Variants in PLEKHH2 observed in about 807,000 individuals in gnomAD.
PLEKHH2 encodes pleckstrin homology, MyTH4 and FERM domain containing H2, also known as pleckstrin homology domain-containing family H member 2.
Under a neutral mutation model 187.9 loss-of-function variants are expected in PLEKHH2, and 129 were observed. The observed-to-expected ratio is 0.69, with a 90% CI of 0.59 to 0.79. The LOEUF is 0.79. Ranked by LOEUF, PLEKHH2 falls within the 30% of genes least tolerant of loss-of-function variation. The probability of loss-of-function intolerance (pLI) is 0.00; values close to 1 mark genes in which losing one functional copy is unlikely to be tolerated. For missense variants in PLEKHH2, 2,076 were observed against 1,751.2 expected (o/e 1.19, Z -3.31); for synonymous variants, 686 against 605.6 (o/e 1.13, Z -1.95).
At chr2:43,758,094 A>G (rs1382509977) in intron 26 of PLEKHH2, among the ~76,000 whole-genome samples, 3 of 152,212 alleles carry the variant, frequency 2.0e-5, no homozygotes, top group Non-Finnish European at 4.4e-5. Context: ...GCTTTTCCAA[A>G]ATAGAAACAT....
intron 2 of PLEKHH2, among the ~76,000 whole-genome samples, chr2:43,659,350 C>T (rs1393075445): frequency 6.6e-6 from 1 of 151,724 alleles, no homozygotes; most frequent in African/African-American, 2.4e-5. Flanking sequence ...TAACACCTCC[C>T]TGCTGTTTTT....
rs145622241 is a variant in PLEKHH2, at chr2:43,742,783, A to G, written c.3264A>G (p.Val1088=). The G allele has an allele frequency of 1.2e-6, 2 of 1,604,208 alleles. No individual in the cohort carries two copies. The highest frequency in any genetic ancestry group is 1.3e-5 in the African/African-American group (1 of 74,552). Residue 1088 remains valine (V), a synonymous_variant, in exon 22 of 30, where the codon GTA becomes GTG. Coordinates refer to ENST00000282406, the MANE Select transcript of PLEKHH2 (RefSeq NM_172069.4). ...GKYAIYCQRC[V]ERTQQNGDRE... ...ATGCCATTTACTGCCAGCGTTGTGTAGAAAGAACGCAACAAAATGGTGACA... is the reference window on the plus strand; with the variant it reads ...ATGCCATTTACTGCCAGCGTTGTGTGGAAAGAACGCAACAAAATGGTGACA...
intron 23 of PLEKHH2, 123 bp downstream of exon 23, chr2:43,744,112 T>C: frequency 7.0e-7 from 1 of 1,425,424 alleles, no homozygotes; most frequent in Non-Finnish European, 9.2e-7. Context: ...ACCAATCTAA[T>C]CTCCACGATA....
chr2:43,761,410 C>CTTTTT (rs568339874), intron 27 of PLEKHH2, among the ~76,000 whole-genome samples: 11 of 117,656 alleles, frequency 9.3e-5, no homozygotes, highest in Non-Finnish European at 1.3e-4. Flanking sequence ...TAGCTTTTAG[C>CTTTTT]TTTTTTTTTT....
intron 15 of PLEKHH2, among the ~76,000 whole-genome samples, chr2:43,713,260 T>C (rs889392162): frequency 6.6e-6 from 1 of 152,220 alleles, no homozygotes; most frequent in Non-Finnish European, 1.5e-5. Context: ...GTATGATTAA[T>C]ATATCTGAAA....
intron 3 of PLEKHH2, among the ~76,000 whole-genome samples, chr2:43,683,845 G>A (rs1417275783): frequency 6.6e-6 from 1 of 151,884 alleles, no homozygotes; most frequent in East Asian, 1.9e-4. Flanking sequence ...GATTTCATCA[G>A]GGAGGTTATT....
At chr2:43,759,180 G>T in intron 27 of PLEKHH2, 151 bp downstream of exon 27, 2 of 1,251,936 alleles carry the variant, frequency 1.6e-6, no homozygotes. Flanking sequence ...TAGAGAAAGG[G>T]CAGAAAAGCT....
chr2:43,676,047 G>A, intron 2 of PLEKHH2: 1 of 1,613,906 alleles, frequency 6.2e-7, no homozygotes, highest in Non-Finnish European at 8.5e-7. Flanking sequence ...CACAGTGTTT[G>A]GTCCAGGTCT....
chr2:43,666,159 T>C (rs1295953579), intron 2 of PLEKHH2, among the ~76,000 whole-genome samples: 1 of 149,642 alleles, frequency 6.7e-6, no homozygotes, highest in Non-Finnish European at 1.5e-5. Context: ...AAGCCAGGTG[T>C]GGGATATAGT....
In PLEKHH2 at chr2:43,681,041, C is replaced by T. The variant is rs1387285627; in HGVS notation, c.186+2116C>T. 7.1e-6 allele frequency: 9 copies of T among 1,272,474 alleles called. No homozygotes were observed. The Middle Eastern group carries it at 1.1e-3, about 151-fold the overall frequency. The allele number at this position is 1,272,474 out of a possible 1,614,324, so 78.8% of individuals were successfully genotyped here. On this transcript the variant is annotated intron_variant, in intron 3 of 29. Transcript: ENST00000282406. ...TTCCCTCAGAATGCCAACTGGAATTCCTTCCTGTACCATTATGATTCCAAT... is the reference window on the plus strand; with the variant it reads ...TTCCCTCAGAATGCCAACTGGAATTTCTTCCTGTACCATTATGATTCCAAT...
intron 2 of PLEKHH2, among the ~76,000 whole-genome samples, chr2:43,651,114 C>A (rs1321269191): frequency 6.6e-6 from 1 of 151,840 alleles, no homozygotes; most frequent in Non-Finnish European, 1.5e-5. Context: ...AAAGTTTATC[C>A]TCACAACATA....
intron 2 of PLEKHH2, among the ~76,000 whole-genome samples, chr2:43,651,174 T>C (rs1441105308): frequency 1.3e-5 from 2 of 149,122 alleles, no homozygotes; most frequent in African/African-American, 4.9e-5. Flanking sequence ...CATTCATTTA[T>C]TCATTTTGTT....
intron 3 of PLEKHH2, chr2:43,681,619 C>T (rs546317096): frequency 4.3e-6 from 3 of 700,724 alleles, no homozygotes; most frequent in Non-Finnish European, 5.0e-6. Context: ...CACGATATGA[C>T]ACAATATGCA....
At position 43,695,243 on chromosome 2, in the gene PLEKHH2, G is replaced by A. The variant is rs781559751; in HGVS notation, c.502+19G>A. 4.1e-6 allele frequency: 6 copies of A among 1,446,978 alleles called. No individual in the cohort carries two copies. Among genetic ancestry groups the A allele is most frequent in the Non-Finnish European group, 5.7e-6 (6 of 1,053,378 alleles). The allele number at this position is 1,446,978 out of a possible 1,614,324, so 89.6% of individuals were successfully genotyped here. The stretch of plus-strand genomic sequence containing the variant: ...CTACAAGGTACAAATACTTTACTAA[G>A]ATAGCTTAGTTGGATTTATTTGACT... On this transcript the variant is annotated intron_variant, in intron 6 of 29. Coordinates refer to ENST00000282406, the MANE Select transcript of PLEKHH2 (RefSeq NM_172069.4).
At chr2:43,646,410 T>C (rs1045230579) in intron 2 of PLEKHH2, among the ~76,000 whole-genome samples, 1 of 152,206 alleles carries the variant, frequency 6.6e-6, no homozygotes. Context: ...CACTTCCCAT[T>C]TGTTGCCTAA....
intron 17 of PLEKHH2, among the ~76,000 whole-genome samples, chr2:43,728,630 C>T (rs1281499192): frequency 1.4e-5 from 2 of 147,656 alleles, no homozygotes; most frequent in African/African-American, 5.0e-5. Flanking sequence ...GGCGTGATCT[C>T]GGCTCACTGC....
At chr2:43,655,131 A>T (rs1666687592) in intron 2 of PLEKHH2, among the ~76,000 whole-genome samples, 1 of 152,122 alleles carries the variant, frequency 6.6e-6, no homozygotes, top group Non-Finnish European at 1.5e-5. Context: ...GCCTGAGCCC[A>T]GAAGTTCCGG....
At chr2:43,742,239 T>TG (rs1232391659) in intron 21 of PLEKHH2, among the ~76,000 whole-genome samples, 2 of 152,160 alleles carry the variant, frequency 1.3e-5, no homozygotes, top group African/African-American at 4.8e-5. Context: ...CGACCTCAGG[T>TG]GATCTGCCCA....
intron 11 of PLEKHH2, among the ~76,000 whole-genome samples, chr2:43,709,374 T>A (rs1258176088): frequency 1.3e-5 from 2 of 152,202 alleles, no homozygotes; most frequent in Non-Finnish European, 2.9e-5. Flanking sequence ...TAAATTAAGG[T>A]TCAACATTTG....
Sources: allele counts gnomAD v4.1 joint callset (sites outside exome capture counted in the v4.1 genomes callset), GRCh38; gene constraint gnomAD v4.1.1; transcripts MANE v1.5; gene names NCBI Gene and HGNC (gene_info 2026-07-23, HGNC 2026-07-21).